Variants in CTNNA3 observed in about 807,000 individuals in gnomAD.
CTNNA3 encodes catenin alpha 3, also known as catenin alpha-3.
CTNNA3 carries 76 observed loss-of-function variants against 95.7 expected under a neutral mutation model. The ratio of observed to expected loss-of-function variants is 0.79; its 90% CI spans 0.66 to 0.96. The LOEUF (loss-of-function observed/expected upper bound fraction) is 0.96, where lower values mean the gene tolerates loss of function less well. CTNNA3 is among the 40% of genes least tolerant of loss of function. The pLI, the probability that CTNNA3 is intolerant of heterozygous loss-of-function variation, is 0.00. For synonymous variants in CTNNA3, 431 were observed against 374.4 expected, an observed-to-expected ratio of 1.15 and a Z score of -1.74; for missense variants, 1,191 against 1,089.8, an observed-to-expected ratio of 1.09 and a Z score of -1.31.
At chr10:66,871,346 G>A (rs1394629866) in intron 7 of CTNNA3, among the ~76,000 whole-genome samples, 3 of 151,910 alleles carry the variant, frequency 2.0e-5, no homozygotes, top group Non-Finnish European at 4.4e-5. Flanking sequence ...ATCACCTGAG[G>A]TTGGGAGTTC....
At position 65,970,080 on chromosome 10, in the gene CTNNA3, A is replaced by G. The variant is rs2078061785; in HGVS notation, c.2266-3334T>C. Among the ~76,000 whole-genome samples, 2 of 152,174 alleles carry G rather than the reference A, an allele frequency of 1.3e-5. 1 individual carries two copies. Among genetic ancestry groups the G allele is most frequent in the South Asian group, 4.1e-4 (2 of 4,834 alleles). ...AAAGGTTAAAAGCAGACTTCTCTAC[A>G]TAAACCTTATTTATAAGCCGAGACA... On this transcript the variant is annotated intron_variant, in intron 16 of 17. Coordinates refer to ENST00000433211, the MANE Select transcript of CTNNA3 (RefSeq NM_013266.4).
chr10:66,085,823 G>C (rs989663532), intron 14 of CTNNA3, among the ~76,000 whole-genome samples: 4 of 151,796 alleles, frequency 2.6e-5, no homozygotes, highest in African/African-American at 9.7e-5. Flanking sequence ...CCTTCTATAT[G>C]CAATGGAAGT....
intron 12 of CTNNA3, among the ~76,000 whole-genome samples, chr10:66,373,785 C>T (rs1188176430): frequency 1.3e-5 from 2 of 152,176 alleles, no homozygotes; most frequent in Non-Finnish European, 2.9e-5. Flanking sequence ...TCAGTCAGAT[C>T]TTTCAACAGA....
At chr10:67,087,980 TGA>T (rs1344339483) in intron 7 of CTNNA3, among the ~76,000 whole-genome samples, 13 of 152,074 alleles carry the variant, frequency 8.5e-5, no homozygotes, top group African/African-American at 3.1e-4. Flanking sequence ...TGGTCTAATA[TGA>T]GATAAAAGAT....
intron 11 of CTNNA3, among the ~76,000 whole-genome samples, chr10:66,400,212 A>C (rs1589195143): frequency 6.6e-6 from 1 of 152,064 alleles, no homozygotes; most frequent in African/African-American, 2.4e-5. Context: ...ATACAAATAA[A>C]CCAACCATAA....
chr10:66,515,731 C>T (rs185129214), intron 11 of CTNNA3, among the ~76,000 whole-genome samples: 1 of 151,878 alleles, frequency 6.6e-6, no homozygotes, highest in Non-Finnish European at 1.5e-5. Context: ...AGAATGAGAG[C>T]CCAGTGAAGG....
At chr10:67,532,657 T>C (rs1036390915) in intron 4 of CTNNA3, among the ~76,000 whole-genome samples, 2 of 152,062 alleles carry the variant, frequency 1.3e-5, no homozygotes, top group African/African-American at 2.4e-5. Context: ...TAGGAATAAG[T>C]ACAACATTTC....
intron 12 of CTNNA3, among the ~76,000 whole-genome samples, chr10:66,328,504 C>A (rs928788434): frequency 6.6e-6 from 1 of 151,900 alleles, no homozygotes; most frequent in African/African-American, 2.4e-5. Flanking sequence ...TGGGAAAATT[C>A]TCACTTTTCC....
chr10:67,523,757 C>T (rs1354540961), intron 4 of CTNNA3, among the ~76,000 whole-genome samples: 1 of 152,110 alleles, frequency 6.6e-6, no homozygotes, highest in Non-Finnish European at 1.5e-5. Flanking sequence ...CCACTTATAA[C>T]AATAAACAAG....
At chr10:66,421,913 TATAC>T (rs1464360573) in intron 11 of CTNNA3, among the ~76,000 whole-genome samples, 1 of 145,370 alleles carries the variant, frequency 6.9e-6, no homozygotes, top group Non-Finnish European at 1.5e-5. Context: ...TATATATATA[TATAC>T]ACACACACAC....
chr10:66,421,904 A>G (rs1321181595), intron 11 of CTNNA3, among the ~76,000 whole-genome samples: 2 of 144,302 alleles, frequency 1.4e-5, no homozygotes, highest in African/African-American at 2.6e-5. Context: ...TGTGATATAT[A>G]TATATATATA....
At chr10:67,420,223 C>T (rs4417161) in intron 5 of CTNNA3, among the ~76,000 whole-genome samples, 4,542 of 152,092 alleles carry the variant, frequency 0.03, 218 homozygotes, top group African/African-American at 0.099. Flanking sequence ...TATTTCAATC[C>T]TCTAAAACAA....
At chr10:66,312,848 T>C (rs1028093902) in intron 12 of CTNNA3, among the ~76,000 whole-genome samples, 5 of 151,958 alleles carry the variant, frequency 3.3e-5, no homozygotes, top group Non-Finnish European at 7.4e-5. Flanking sequence ...CCCGGTGGGA[T>C]TGCAGATTCT....
intron 9 of CTNNA3, among the ~76,000 whole-genome samples, chr10:66,649,101 G>T (rs12779237): frequency 0.014 from 2,150 of 152,230 alleles, 24 homozygotes; most frequent in Admixed American, 0.022. Flanking sequence ...CATAATAGGT[G>T]CCAGAAGAAA....
At position 67,263,316 on chromosome 10, in the gene CTNNA3, C is replaced by T. The variant is rs538007722; in HGVS notation, c.580-43446G>A. Reference sequence around the variant, plus strand: ...ATTGTGATCTGGGATCTTTTTATTACGGCATCATAAACATCACTTTCAACA... The same window carrying T: ...ATTGTGATCTGGGATCTTTTTATTATGGCATCATAAACATCACTTTCAACA... On this transcript the variant is annotated intron_variant, in intron 5 of 17. Coordinates refer to ENST00000433211, the MANE Select transcript of CTNNA3 (RefSeq NM_013266.4). 1.4e-4 allele frequency among the ~76,000 whole-genome samples: 22 copies of T among 152,196 alleles called. 1 individual carries two copies. The highest frequency in any genetic ancestry group is 4.6e-4 in the Admixed American group (7 of 15,276).
At chr10:66,360,599 C>CTT (rs1491151918) in intron 12 of CTNNA3, among the ~76,000 whole-genome samples, 1 of 47,512 alleles carries the variant, frequency 2.1e-5, no homozygotes. Flanking sequence ...TTCTTTCCTT[C>CTT]TTTCTTTCTT....
At chr10:66,459,304 G>C (rs910177624) in intron 11 of CTNNA3, among the ~76,000 whole-genome samples, 2 of 152,146 alleles carry the variant, frequency 1.3e-5, no homozygotes, top group African/African-American at 2.4e-5. Context: ...CCAGTCAACA[G>C]TGAGTATGTG....
At chr10:66,424,232 T>A (rs1163012117) in intron 11 of CTNNA3, among the ~76,000 whole-genome samples, 1 of 152,102 alleles carries the variant, frequency 6.6e-6, no homozygotes, top group Non-Finnish European at 1.5e-5. Context: ...GGGCTTTGTT[T>A]ATTTTACTAA....
chr10:66,883,334 G>T (rs1411966251), intron 7 of CTNNA3, among the ~76,000 whole-genome samples: 1 of 152,068 alleles, frequency 6.6e-6, no homozygotes, highest in Non-Finnish European at 1.5e-5. Flanking sequence ...AGTGGGGGAA[G>T]AAAGCAAGTC....
Sources: allele counts gnomAD v4.1 joint callset (sites outside exome capture counted in the v4.1 genomes callset), GRCh38; gene constraint gnomAD v4.1.1; transcripts MANE v1.5; gene names NCBI Gene and HGNC (gene_info 2026-07-23, HGNC 2026-07-21).